RNF150: variants seen among roughly 807,000 people sequenced by gnomAD.
RNF150 encodes the protein ring finger protein 150.
A neutral mutation model predicts 39.3 loss-of-function variants in RNF150; 24 were observed. The observed-to-expected ratio is 0.61, with a 90% CI of 0.44 to 0.86. RNF150 has a LOEUF of 0.86. RNF150 is among the 40% of genes least tolerant of loss of function. The pLI, the probability that RNF150 is intolerant of heterozygous loss-of-function variation, is 0.00. For missense variants in RNF150, 502 were observed against 587.8 expected (o/e 0.85, Z 1.51); for synonymous variants, 255 against 227.3 (o/e 1.12, Z -1.10).
intron 1 of RNF150, among the ~76,000 whole-genome samples, chr4:141,128,756 C>T (rs1419058462): frequency 6.6e-6 from 1 of 152,026 alleles, no homozygotes; most frequent in African/African-American, 2.4e-5. Context: ...CTATTAATCA[C>T]TCTCTCTTCC....
chr4:140,940,413 A>ACC (rs1732036603), intron 4 of RNF150, among the ~76,000 whole-genome samples: 2 of 151,872 alleles, frequency 1.3e-5, no homozygotes, highest in Non-Finnish European at 2.9e-5. Flanking sequence ...GTGTGTGTAT[A>ACC]ACAATTGAAG....
At chr4:141,070,050 T>C (rs1737630402) in intron 1 of RNF150, among the ~76,000 whole-genome samples, 1 of 152,172 alleles carries the variant, frequency 6.6e-6, no homozygotes, top group Admixed American at 6.5e-5. Context: ...TTTTTGTGTC[T>C]CTATTTCCTT....
intron 6 of RNF150, among the ~76,000 whole-genome samples, chr4:140,888,265 G>C (rs1578932837): frequency 1.3e-5 from 2 of 152,156 alleles, no homozygotes; most frequent in East Asian, 1.9e-4. Context: ...CTCACTCTTA[G>C]CTACAGAAAA....
chr4:140,870,639 G>A (rs980680322), intron 6 of RNF150, among the ~76,000 whole-genome samples: 2 of 151,924 alleles, frequency 1.3e-5, no homozygotes, highest in African/African-American at 4.8e-5. Flanking sequence ...TGTTGTGCAG[G>A]GTGTGTACAG....
rs531184976 is a variant in RNF150 at position 141,113,842 on chromosome 4, A to T, written c.484+18483T>A. The stretch of plus-strand genomic sequence containing the variant: ...GTCTCTCAGACCACCGTGCAATCAA[A>T]TTAGAACTCAGGATTAAGAAATTCA... On this transcript the variant is annotated intron_variant, in intron 1 of 6. Transcript: ENST00000515673. Among the ~76,000 whole-genome samples, 19 of 152,346 alleles carry T rather than the reference A, an allele frequency of 1.2e-4. No homozygotes were observed. In the South Asian group the frequency reaches 3.5e-3, roughly 28 times the overall value.
At chr4:141,028,327 C>G (rs1735799642) in intron 1 of RNF150, among the ~76,000 whole-genome samples, 2 of 152,118 alleles carry the variant, frequency 1.3e-5, no homozygotes, top group Non-Finnish European at 2.9e-5. Context: ...AGTCACTTAG[C>G]CAGCTTTTTC....
chr4:141,092,856 T>C (rs904796075), intron 1 of RNF150, among the ~76,000 whole-genome samples: 1 of 151,576 alleles, frequency 6.6e-6, no homozygotes, highest in Non-Finnish European at 1.5e-5. Context: ...TTAATTCCTA[T>C]ATAAAACACC....
At chr4:141,041,853 C>T (rs572826538) in intron 1 of RNF150, among the ~76,000 whole-genome samples, 6 of 151,924 alleles carry the variant, frequency 3.9e-5, no homozygotes, top group South Asian at 2.1e-4. Flanking sequence ...CTACCATGAA[C>T]GTATATATAC....
chr4:141,159,489 G>C (rs985311921), intron 1 of RNF150, among the ~76,000 whole-genome samples: 2 of 152,024 alleles, frequency 1.3e-5, no homozygotes, highest in African/African-American at 2.4e-5. Context: ...TGGGCTGTGG[G>C]CTAGAGTTTG....
intron 1 of RNF150, among the ~76,000 whole-genome samples, chr4:141,111,862 T>C (rs1214534055): frequency 1.3e-5 from 2 of 152,118 alleles, no homozygotes; most frequent in Admixed American, 1.3e-4. Context: ...TGCTTTTATT[T>C]TGACCTTAAA....
chr4:141,145,197 G>A (rs1390144013), intron 1 of RNF150, among the ~76,000 whole-genome samples: 1 of 152,186 alleles, frequency 6.6e-6, no homozygotes, highest in African/African-American at 2.4e-5. Flanking sequence ...GAACTTAAGT[G>A]TGTTACATAA....
chr4:141,157,220 C>T (rs1361091328), intron 1 of RNF150, among the ~76,000 whole-genome samples: 2 of 152,124 alleles, frequency 1.3e-5, no homozygotes, highest in Non-Finnish European at 2.9e-5. Flanking sequence ...ATATCTCCCC[C>T]CCCAAAAATG....
At chr4:141,102,702 C>T (rs1004527777) in intron 1 of RNF150, among the ~76,000 whole-genome samples, 1 of 151,780 alleles carries the variant, frequency 6.6e-6, no homozygotes, top group Non-Finnish European at 1.5e-5. Context: ...TTCACAAGGG[C>T]GGGCTTTTAA....
intron 1 of RNF150, among the ~76,000 whole-genome samples, chr4:141,098,101 A>T (rs1035691902): frequency 6.6e-6 from 1 of 152,218 alleles, no homozygotes; most frequent in Non-Finnish European, 1.5e-5. Flanking sequence ...ATTATAAAAC[A>T]CTAAAAATCT....
intron 1 of RNF150, among the ~76,000 whole-genome samples, chr4:141,145,744 C>A (rs550137338): frequency 1.5e-4 from 23 of 152,322 alleles, no homozygotes; most frequent in South Asian, 4.1e-4. Flanking sequence ...ATTGCCCAGC[C>A]CATCTCTTTA....
At chr4:140,957,812 A>T (rs1732832554) in intron 2 of RNF150, among the ~76,000 whole-genome samples, 1 of 150,938 alleles carries the variant, frequency 6.6e-6, no homozygotes, top group African/African-American at 2.4e-5. Flanking sequence ...AAAAAACCAA[A>T]CACCGCATAT....
chr4:141,090,277 C>T (rs145787341), intron 1 of RNF150, among the ~76,000 whole-genome samples: 4 of 152,292 alleles, frequency 2.6e-5, no homozygotes, highest in Admixed American at 1.3e-4. Flanking sequence ...GAGAGGGAAG[C>T]TTCTACTGGG....
At chr4:140,878,635 C>T (rs1218568932) in intron 6 of RNF150, among the ~76,000 whole-genome samples, 1 of 152,114 alleles carries the variant, frequency 6.6e-6, no homozygotes, top group Non-Finnish European at 1.5e-5. Context: ...TGTAGGAGTT[C>T]TTTGTGTATC....
At chr4:141,162,659 G>A (rs1181055432) in intron 1 of RNF150, among the ~76,000 whole-genome samples, 1 of 151,992 alleles carries the variant, frequency 6.6e-6, no homozygotes, top group Non-Finnish European at 1.5e-5. Flanking sequence ...TGGAGGACAA[G>A]CAGAAGCAGG....
Sources: allele counts gnomAD v4.1 joint callset (sites outside exome capture counted in the v4.1 genomes callset), GRCh38; gene constraint gnomAD v4.1.1; transcripts MANE v1.5; gene names NCBI Gene and HGNC (gene_info 2026-07-23, HGNC 2026-07-21).